The following HNF4A variants were observed in gnomAD, a reference collection of about 807,000 sequenced individuals.
HNF4A encodes the protein hepatocyte nuclear factor 4 alpha, also known as hepatocyte nuclear factor 4-alpha.
In HNF4A, 15 loss-of-function variants were observed where a neutral mutation model predicts 52.4. The ratio of observed to expected loss-of-function variants is 0.29; its 90% confidence interval spans 0.19 to 0.44. HNF4A has a LOEUF of 0.44. HNF4A is among the 20% of genes least tolerant of loss of function. The pLI, the probability that HNF4A is intolerant of heterozygous loss-of-function variation, is 1.00. For missense variants in HNF4A, 479 were observed against 647.2 expected (o/e 0.74, Z 2.82); for synonymous variants, 280 against 264.4 (o/e 1.06, Z -0.57).
Position 44,405,617 on chromosome 20 carries a change from C to T in HNF4A, c.116-441C>T, listed in dbSNP as rs2063489224. Among the ~76,000 whole-genome samples the T allele has an allele frequency of 2.0e-5, 3 of 152,218 alleles. No homozygotes were observed. The South Asian group carries it at 6.2e-4, about 32-fold the overall frequency. ...TCTTTCTCGTTCCTCAGAGAATTTGCGGGGCCCCTGGGCACACAAGCTGAG... is the reference window on the plus strand; with the variant it reads ...TCTTTCTCGTTCCTCAGAGAATTTGTGGGGCCCCTGGGCACACAAGCTGAG... On this transcript the variant is annotated intron_variant, in intron 1 of 9. Coordinates refer to ENST00000316099, the MANE Select transcript of HNF4A (RefSeq NM_000457.6).
chr20:44,421,873 T>C (rs551581854), intron 7 of HNF4A, among the ~76,000 whole-genome samples: 175 of 147,514 alleles, frequency 1.2e-3, no homozygotes, highest in African/African-American at 3.0e-3. Flanking sequence ...TAGTGATATA[T>C]ATTTTATATA....
upstream of HNF4A, among the ~76,000 whole-genome samples, chr20:44,397,312 TA>T (rs928666366): frequency 1.4e-4 from 21 of 149,894 alleles, no homozygotes; most frequent in Middle Eastern, 3.4e-3. Context: ...TTCCACTAGT[TA>T]AAAAAAAAAT....
intron 7 of HNF4A, among the ~76,000 whole-genome samples, chr20:44,420,106 C>T (rs561648342): frequency 7.3e-5 from 11 of 151,054 alleles, no homozygotes; most frequent in Admixed American, 2.6e-4. Context: ...CTGAGGCGGG[C>T]GGATCACCTG....
intron 8 of HNF4A, among the ~76,000 whole-genome samples, chr20:44,427,281 G>A (rs1471566689): frequency 2.6e-5 from 4 of 152,190 alleles, no homozygotes; most frequent in Non-Finnish European, 5.9e-5. Context: ...AGGTGTCATT[G>A]AGATCAGGAT....
intron 3 of HNF4A, among the ~76,000 whole-genome samples, chr20:44,412,531 C>T (rs528755001): frequency 2.0e-5 from 3 of 152,088 alleles, no homozygotes; most frequent in African/African-American, 4.8e-5. Flanking sequence ...AGGTGCGATC[C>T]GAGAGGAGAG....
intron 2 of HNF4A, 46 bp from the exon 3 acceptor site, chr20:44,407,335 G>A: frequency 7.1e-7 from 1 of 1,405,526 alleles, no homozygotes; most frequent in Non-Finnish European, 1.0e-6. Flanking sequence ...GTCCTAAGAG[G>A]AGGAAGTTGT....
upstream of HNF4A, among the ~76,000 whole-genome samples, chr20:44,401,083 T>C (rs1481406588): frequency 6.6e-6 from 1 of 151,966 alleles, no homozygotes; most frequent in Non-Finnish European, 1.5e-5. Flanking sequence ...GCAGTTGTAA[T>C]TAGCACCCCG....
intron 1 of HNF4A, chr20:44,390,481 C>G (rs1225265580): frequency 1.6e-6 from 1 of 606,606 alleles, no homozygotes; most frequent in African/African-American, 1.8e-5. Flanking sequence ...ATGGAGACCG[C>G]CTCCCACCAT....
At chr20:44,402,738 C>A in intron 1 of HNF4A, 2 of 650,828 alleles carry the variant, frequency 3.1e-6, no homozygotes, top group South Asian at 1.6e-5. Context: ...AGGCAGCTGG[C>A]TGAGGTCAGC....
At chr20:44,406,031 GC>G in intron 1 of HNF4A, 26 bp from the exon 2 acceptor site, 1 of 1,607,726 alleles carries the variant, frequency 6.2e-7, no homozygotes, top group Non-Finnish European at 8.5e-7. Flanking sequence ...TCTTCCTGAA[GC>G]CTCACTCCCT....
upstream of HNF4A, among the ~76,000 whole-genome samples, chr20:44,400,243 G>A (rs190311981): frequency 8.9e-4 from 135 of 152,228 alleles, no homozygotes; most frequent in Middle Eastern, 0.014. Context: ...TGGGTTGCCT[G>A]TGACTGCACT....
chr20:44,407,619 C>T, intron 3 of HNF4A, 144 bp downstream of exon 3: 1 of 714,870 alleles, frequency 1.4e-6, no homozygotes, highest in Non-Finnish European at 2.5e-6. Flanking sequence ...GAGGGAGGGC[C>T]TGGAAATCTG....
At chr20:44,366,606 G>T (rs1021840529) in intron 1 of HNF4A, among the ~76,000 whole-genome samples, 2 of 152,092 alleles carry the variant, frequency 1.3e-5, no homozygotes, top group Non-Finnish European at 2.9e-5. Context: ...GGGCAACAGA[G>T]CGAGATCCTG....
chr20:44,409,449 T>C (rs2063550046), intron 3 of HNF4A, among the ~76,000 whole-genome samples: 1 of 152,216 alleles, frequency 6.6e-6, no homozygotes. Flanking sequence ...CCTAAGATTT[T>C]AGGCACTATG....
intron 1 of HNF4A, among the ~76,000 whole-genome samples, chr20:44,387,998 G>A (rs1471892718): frequency 1.3e-5 from 2 of 152,114 alleles, no homozygotes; most frequent in African/African-American, 2.4e-5. Context: ...AAGGGGAGGT[G>A]AGTCGTCCTA....
At chr20:44,382,263 G>A (rs542272470) in intron 1 of HNF4A, among the ~76,000 whole-genome samples, 4 of 144,480 alleles carry the variant, frequency 2.8e-5, no homozygotes, top group African/African-American at 5.2e-5. Flanking sequence ...TTTTTGAGAC[G>A]AACTCTCGCT....
At position 44,429,790 on chromosome 20, in the gene HNF4A, G is replaced by A. The variant is rs2063856923; in HGVS notation, c.*125G>A. 2.0e-6 allele frequency: 2 copies of A among 1,010,064 alleles called. No homozygotes were observed. Among genetic ancestry groups the A allele is most frequent in the Non-Finnish European group, 3.0e-6 (2 of 664,742 alleles). The allele number at this position is 1,010,064 out of a possible 1,614,324, so 62.6% of individuals were successfully genotyped here. A position where few individuals can be genotyped will look rare whatever the true frequency, so the allele number is the denominator to read the frequency against. ...ACCAGTCCCAGAGCAGGAATGGGAAGGATGAAGGGCCCGAGAACATGGCCT... is the reference window on the plus strand; with the variant it reads ...ACCAGTCCCAGAGCAGGAATGGGAAAGATGAAGGGCCCGAGAACATGGCCT... On this transcript the variant is annotated 3_prime_UTR_variant, in exon 10 of 10. Transcript: ENST00000316099.
intron 5 of HNF4A, 58 bp downstream of exon 5, chr20:44,414,720 C>G: frequency 6.6e-7 from 1 of 1,522,896 alleles, no homozygotes. Context: ...AGCCAGGGGG[C>G]TGCTGGCCCA....
chr20:44,368,104 G>GTT (rs1188030519), intron 1 of HNF4A, among the ~76,000 whole-genome samples: 1 of 128,210 alleles, frequency 7.8e-6, no homozygotes, highest in Non-Finnish European at 1.6e-5. Flanking sequence ...GTGTGTGTGT[G>GTT]TGTGTGTATA....
Sources: allele counts gnomAD v4.1 joint callset (sites outside exome capture counted in the v4.1 genomes callset), GRCh38; gene constraint gnomAD v4.1.1; transcripts MANE v1.5; gene names NCBI Gene and HGNC (gene_info 2026-07-23, HGNC 2026-07-21).